The following STRN3 variants were observed in gnomAD, a reference collection of about 807,000 sequenced individuals.
STRN3 encodes the protein striatin-3.
Under a neutral mutation model 95.6 loss-of-function variants are expected in STRN3, and 29 were observed. The ratio of observed to expected loss-of-function variants is 0.30; its 90% CI spans 0.23 to 0.41. The LOEUF is 0.41. Ranked by LOEUF, STRN3 falls within the 10% of genes least tolerant of loss-of-function variation. The probability of loss-of-function intolerance (pLI) is 1.00; values close to 1 mark genes in which losing one functional copy is unlikely to be tolerated. For missense variants in STRN3, 890 were observed against 972.1 expected, an observed-to-expected ratio of 0.92 and a Z score of 1.12; for synonymous variants, 331 against 357.6, an observed-to-expected ratio of 0.93 and a Z score of 0.84.
chr14:31,006,724 A>G (rs1882734915), intron 1 of STRN3, among the ~76,000 whole-genome samples: 1 of 151,864 alleles, frequency 6.6e-6, no homozygotes, highest in Non-Finnish European at 1.5e-5. Context: ...AGAAATTCAA[A>G]TCACACATAC....
rs771901275 is a variant in STRN3, at chr14:30,912,186, A to C, written c.1375-4T>G. 1 of 1,610,768 alleles carries C rather than the reference A, an allele frequency of 6.2e-7. No individual in the cohort carries two copies. Among genetic ancestry groups the C allele is most frequent in the Non-Finnish European group, 8.5e-7 (1 of 1,178,978 alleles). On this transcript the variant is annotated splice_region_variant and splice_polypyrimidine_tract_variant and intron_variant, in intron 10 of 17. Transcript: ENST00000357479. ...AGGCATCTTTATTAGCAGGCAACTAAAAGGAAAGAGCACAATATTTAGTGG... is the reference window on the plus strand; with the variant it reads ...AGGCATCTTTATTAGCAGGCAACTACAAGGAAAGAGCACAATATTTAGTGG...
intron 1 of STRN3, among the ~76,000 whole-genome samples, chr14:30,968,419 T>C (rs1268299422): frequency 6.8e-6 from 1 of 146,728 alleles, no homozygotes; most frequent in African/African-American, 2.5e-5. Context: ...TGGTGGCTCA[T>C]GCCTGTAATC....
intron 1 of STRN3, chr14:31,018,477 C>A: frequency 2.4e-6 from 1 of 425,118 alleles, no homozygotes; most frequent in Non-Finnish European, 4.7e-6. Flanking sequence ...GTCACCGTCA[C>A]TCCTTCAGAG....
chr14:30,986,767 T>C (rs1881711801), intron 1 of STRN3, among the ~76,000 whole-genome samples: 1 of 152,240 alleles, frequency 6.6e-6, no homozygotes, highest in East Asian at 1.9e-4. Context: ...ACACCTACTT[T>C]AGTGTAATGT....
At chr14:30,916,728 C>A (rs1481180891) in intron 9 of STRN3, among the ~76,000 whole-genome samples, 1 of 152,016 alleles carries the variant, frequency 6.6e-6, no homozygotes, top group Non-Finnish European at 1.5e-5. Context: ...CTATGCCTGC[C>A]CTAGTTTTTA....
chr14:30,907,295 A>G lies in STRN3; in HGVS notation c.1721-251T>C, dbSNP rs868469674. ...GAAACATATGCTTTTTTTTTTTTTT[A>G]AAACAGCTTTCTTGAGATACAGATA... is the stretch of plus-strand genomic sequence containing the variant. On this transcript the variant is annotated intron_variant, in intron 13 of 17. Coordinates refer to ENST00000357479, the MANE Select transcript of STRN3 (RefSeq NM_001083893.2). Among the ~76,000 whole-genome samples, 15 of 148,248 alleles carry G rather than the reference A, an allele frequency of 1.0e-4. No homozygotes were observed. The South Asian group carries it at 3.2e-3, about 31-fold the overall frequency.
chr14:30,962,164 A>C (rs1880239409), intron 1 of STRN3, among the ~76,000 whole-genome samples: 2 of 152,188 alleles, frequency 1.3e-5, no homozygotes, highest in Admixed American at 1.3e-4. Flanking sequence ...CATTTCTAAC[A>C]AAAAAAGTTT....
At chr14:30,913,463 T>G (rs969142531) in intron 10 of STRN3, 61 bp downstream of exon 10, 3 of 1,466,400 alleles carry the variant, frequency 2.0e-6, no homozygotes, top group African/African-American at 2.9e-5. Flanking sequence ...TATAAGTGAT[T>G]CCAAAAAATA....
Position 30,956,230 on chromosome 14 carries a change from A to G in STRN3, c.295T>C (p.Phe99Leu). ...TGACCTTTTCTTTCGCCTTGTAGAA[A>G]TGCAATCCGGGCCTAAAAATATAAA... is the stretch of plus-strand genomic sequence containing the variant. The part of the protein sequence containing the change: ...ERAELQARIA[F>L]LQGERKGQEN... The change falls in exon 2 of 18, where the codon TTT (phenylalanine) becomes CTT (leucine). Residue 99 changes from phenylalanine to leucine, a missense_variant. Transcript: ENST00000357479. 1 of 1,613,872 alleles carries G rather than the reference A, an allele frequency of 6.2e-7. No homozygotes were observed. The highest frequency in any genetic ancestry group is 1.7e-5 in the Admixed American group (1 of 60,018).
chr14:30,951,729 T>C (rs1395950341), intron 3 of STRN3, among the ~76,000 whole-genome samples: 3 of 152,180 alleles, frequency 2.0e-5, no homozygotes, highest in Non-Finnish European at 4.4e-5. Flanking sequence ...AGTTCCTTTT[T>C]TGGAACTAAA....
chr14:30,974,564 A>G (rs1880991604), intron 1 of STRN3, among the ~76,000 whole-genome samples: 2 of 151,638 alleles, frequency 1.3e-5, no homozygotes, highest in African/African-American at 4.9e-5. Flanking sequence ...AATCCATCAT[A>G]AAATTCATAT....
At chr14:30,923,902 T>C (rs1365561909) in intron 8 of STRN3, among the ~76,000 whole-genome samples, 2 of 152,136 alleles carry the variant, frequency 1.3e-5, no homozygotes, top group African/African-American at 2.4e-5. Flanking sequence ...TGATTTTTAA[T>C]CATTGATTTA....
intron 1 of STRN3, among the ~76,000 whole-genome samples, chr14:30,963,133 C>T (rs972593496): frequency 2.6e-5 from 4 of 152,110 alleles, no homozygotes; most frequent in African/African-American, 9.7e-5. Flanking sequence ...ACACACACAC[C>T]TAGTAACAGA....
In STRN3 at chr14:30,995,856, T is replaced by C. The variant is rs569577747; in HGVS notation, c.282+30048A>G. Among the ~76,000 whole-genome samples, 33 of 152,352 alleles carry C rather than the reference T, an allele frequency of 2.2e-4. 1 individual carries two copies. Among genetic ancestry groups the C allele is most frequent in the Admixed American group, 7.2e-4 (11 of 15,298 alleles). On this transcript the variant is annotated intron_variant, in intron 1 of 17. Coordinates refer to ENST00000357479, the MANE Select transcript of STRN3 (RefSeq NM_001083893.2). ...CCCCTTTCAGGAATGAAGGATTTAT[T>C]GTCCAGCTGCTGAGAATGCTGGAAA... is the stretch of plus-strand genomic sequence containing the variant.
chr14:30,947,019 G>T, intron 5 of STRN3, 71 bp downstream of exon 5: 2 of 1,168,308 alleles, frequency 1.7e-6, no homozygotes, highest in Non-Finnish European at 1.1e-6. Flanking sequence ...CAGTAACAAG[G>T]AGCTAAAGAG....
At position 30,998,971 on chromosome 14, in the gene STRN3, C is replaced by G. The variant is rs533125123; in HGVS notation, c.282+26933G>C. ...ATAAAAGTTTTCAACAAAAAAATAA[C>G]TAGGCATGCAGAAAAACAAGTAGGA... On this transcript the variant is annotated intron_variant, in intron 1 of 17. Transcript: ENST00000357479. Among the ~76,000 whole-genome samples the G allele has an allele frequency of 1.9e-3, 288 of 152,254 alleles. 2 individuals carry two copies. Among genetic ancestry groups the G allele is most frequent in the African/African-American group, 6.4e-3 (265 of 41,552 alleles).
rs970372729 is a variant in STRN3 at position 30,905,168 on chromosome 14, G to A, written c.2029+250C>T. Reference sequence around the variant, plus strand: ...ATGCTGAGTACATTAAGTTCATTATGTTATTTTCTCTACTTTCACCTTCAT... The same window carrying A: ...ATGCTGAGTACATTAAGTTCATTATATTATTTTCTCTACTTTCACCTTCAT... On this transcript the variant is annotated intron_variant, in intron 15 of 17. Coordinates refer to ENST00000357479, the MANE Select transcript of STRN3 (RefSeq NM_001083893.2). Among the ~76,000 whole-genome samples the A allele has an allele frequency of 2.6e-5, 4 of 152,150 alleles. No homozygotes were observed. In the South Asian group the frequency reaches 8.3e-4, roughly 32 times the overall value.
Position 30,893,824 on chromosome 14 carries a change from T to C in STRN3, c.*1587A>G, listed in dbSNP as rs1172787949. The C allele has an allele frequency of 6.6e-6, 1 of 152,556 alleles. No homozygotes were observed. The highest frequency in any genetic ancestry group is 1.5e-5 in the Non-Finnish European group (1 of 68,002). 9.5% of individuals were successfully genotyped at this position (152,556 alleles called of 1,614,324 possible). A position where few individuals can be genotyped will look rare whatever the true frequency, so the allele number is the denominator to read the frequency against. On this transcript the variant is annotated 3_prime_UTR_variant, in exon 18 of 18. Coordinates refer to ENST00000357479, the MANE Select transcript of STRN3 (RefSeq NM_001083893.2). ...AAATCTCCATTTCCTAGTTTAATTA[T>C]GGAGAATAAAGTATTGCACTTTATT...
At chr14:30,947,035 C>T in intron 5 of STRN3, 55 bp downstream of exon 5, 1 of 1,078,258 alleles carries the variant, frequency 9.3e-7, no homozygotes, top group Non-Finnish European at 1.2e-6. Flanking sequence ...AAGAGATTAA[C>T]AATAACAATA....
Sources: allele counts gnomAD v4.1 joint callset (sites outside exome capture counted in the v4.1 genomes callset), GRCh38; gene constraint gnomAD v4.1.1; transcripts MANE v1.5; gene names NCBI Gene and HGNC (gene_info 2026-07-23, HGNC 2026-07-21).